The following PRIM2 variants were observed in gnomAD, a reference collection of about 807,000 sequenced individuals.
The protein encoded by PRIM2 is DNA primase subunit 2.
Under a neutral mutation model 67.3 loss-of-function variants are expected in PRIM2, and 39 were observed. That is an observed-to-expected ratio of 0.58 (90% CI 0.45 to 0.76). The LOEUF (loss-of-function observed/expected upper bound fraction) is 0.76, where lower values mean the gene tolerates loss of function less well. Among genes scored for constraint, PRIM2 ranks in the 30% least tolerant of loss-of-function variants. The probability of loss-of-function intolerance (pLI) is 0.00; values close to 1 mark genes in which losing one functional copy is unlikely to be tolerated. For synonymous variants in PRIM2, 143 were observed against 198.7 expected (o/e 0.72, Z 2.36); for missense variants, 398 against 598.7 (o/e 0.66, Z 3.50).
chr6:57,294,733 GTACA>G, the PRIM2 span, among the ~76,000 whole-genome samples: 2 of 151,310 alleles, frequency 1.3e-5, no homozygotes, highest in African/African-American at 4.9e-5. Context: ...ATTGAAAAAA[GTACA>G]TGGAGAAAAA....
chr6:57,364,979 G>A (rs7754721), intron 5 of PRIM2, among the ~76,000 whole-genome samples: 4 of 151,940 alleles, frequency 2.6e-5, no homozygotes, highest in African/African-American at 4.8e-5. Flanking sequence ...CTAATAGCAC[G>A]GAGCCCATCT....
At chr6:57,312,991 T>A (rs943533770), upstream of PRIM2, among the ~76,000 whole-genome samples, 3 of 152,228 alleles carry the variant, frequency 2.0e-5, no homozygotes, top group Non-Finnish European at 4.4e-5. Context: ...TATACTAAGT[T>A]TCCTCATAGG....
At chr6:57,461,024 C>A (rs1772986645) in intron 7 of PRIM2, among the ~76,000 whole-genome samples, 1 of 152,012 alleles carries the variant, frequency 6.6e-6, no homozygotes, top group African/African-American at 2.4e-5. Context: ...AGATAAAAGT[C>A]TATATTTAAG....
the PRIM2 span, among the ~76,000 whole-genome samples, chr6:57,225,755 T>G: frequency 6.6e-6 from 1 of 152,164 alleles, no homozygotes; most frequent in Non-Finnish European, 1.5e-5. Context: ...AGAAAATATT[T>G]TCTTCCAAGA....
intron 10 of PRIM2, among the ~76,000 whole-genome samples, chr6:57,580,643 C>T (rs1429016532): frequency 0.01 from 1,570 of 152,224 alleles, 36 homozygotes; most frequent in South Asian, 0.077. Context: ...TTTCTTTCCT[C>T]CAGGGCATCT....
At position 57,619,640 on chromosome 6, in the gene PRIM2, A is replaced by G. The variant is rs1776816194; in HGVS notation, c.1231-12493A>G. 2.6e-5 allele frequency among the ~76,000 whole-genome samples: 4 copies of G among 152,274 alleles called. No homozygotes were observed. The South Asian group carries it at 8.3e-4, about 32-fold the overall frequency. ...CAAAATGCTCTGGAAAGTCTCAGCA[A>G]TAGAATTGAACAAGTAGAAGAAAGA... On this transcript the variant is annotated intron_variant, in intron 12 of 13. Transcript: ENST00000615550.
chr6:57,234,519 T>C, the PRIM2 span, among the ~76,000 whole-genome samples: 1 of 152,278 alleles, frequency 6.6e-6, no homozygotes, highest in African/African-American at 2.4e-5. Context: ...GTTTTATTTT[T>C]ATTTTATTTT....
the PRIM2 span, among the ~76,000 whole-genome samples, chr6:57,244,070 C>A: frequency 6.6e-6 from 1 of 152,152 alleles, no homozygotes; most frequent in African/African-American, 2.4e-5. Context: ...CACTGGATCT[C>A]CCTTTCTGCA....
At chr6:57,642,455 T>A (rs1777258277) in intron 13 of PRIM2, among the ~76,000 whole-genome samples, 1 of 126,762 alleles carries the variant, frequency 7.9e-6, no homozygotes, top group Non-Finnish European at 1.7e-5. Flanking sequence ...TTTTTTTTTT[T>A]TTTTTGAGAC....
intron 5 of PRIM2, among the ~76,000 whole-genome samples, chr6:57,350,729 T>C (rs1281803070): frequency 6.6e-6 from 1 of 152,166 alleles, no homozygotes; most frequent in Non-Finnish European, 1.5e-5. Context: ...CTTTCTTCCC[T>C]TTCCAGCTTG....
At chr6:57,463,291 A>G in intron 7 of PRIM2, among the ~76,000 whole-genome samples, 1 of 152,182 alleles carries the variant, frequency 6.6e-6, no homozygotes, top group Middle Eastern at 3.2e-3. Context: ...GAGGAGTTTG[A>G]TACCAGTTTG....
intron 7 of PRIM2, among the ~76,000 whole-genome samples, chr6:57,388,174 A>G (rs1051390846): frequency 6.6e-6 from 1 of 152,188 alleles, no homozygotes; most frequent in African/African-American, 2.4e-5. Flanking sequence ...TTTTTAGCCT[A>G]ATGTAGTTGA....
chr6:57,269,278 C>G, the PRIM2 span, among the ~76,000 whole-genome samples: 1 of 152,018 alleles, frequency 6.6e-6, no homozygotes, highest in Non-Finnish European at 1.5e-5. Context: ...TATTTCTCCA[C>G]ATCCTCTCCA....
chr6:57,475,346 A>T (rs1773452062), intron 7 of PRIM2, among the ~76,000 whole-genome samples: 1 of 152,162 alleles, frequency 6.6e-6, no homozygotes, highest in South Asian at 2.1e-4. Flanking sequence ...CCCTGTAACT[A>T]TTAGCTTTCA....
At chr6:57,554,885 C>A (rs1195848721) in intron 10 of PRIM2, among the ~76,000 whole-genome samples, 1 of 152,160 alleles carries the variant, frequency 6.6e-6, no homozygotes. Context: ...GGAACCCTTC[C>A]AGCCAGATCA....
chr6:57,251,439 G>A, the PRIM2 span, among the ~76,000 whole-genome samples: 1 of 152,154 alleles, frequency 6.6e-6, no homozygotes, highest in African/African-American at 2.4e-5. Flanking sequence ...CAGTCATTTG[G>A]TGGCTCATGT....
chr6:57,642,118 A>G (rs1287780546), intron 13 of PRIM2, among the ~76,000 whole-genome samples: 1 of 152,182 alleles, frequency 6.6e-6, no homozygotes, highest in African/African-American at 2.4e-5. Flanking sequence ...ATTCTCAGCA[A>G]ACTAACACAA....
chr6:57,249,986 A>G, the PRIM2 span, among the ~76,000 whole-genome samples: 4 of 152,204 alleles, frequency 2.6e-5, no homozygotes, highest in Non-Finnish European at 4.4e-5. Context: ...GAGGACCAGT[A>G]TCTAAATGTG....
At chr6:57,482,093 T>C (rs1239049369) in intron 7 of PRIM2, among the ~76,000 whole-genome samples, 3 of 151,764 alleles carry the variant, frequency 2.0e-5, no homozygotes, top group Non-Finnish European at 2.9e-5. Flanking sequence ...AAAAGTAAGA[T>C]GAAAATTTGG....
Sources: gnomAD v4.1 joint callset for allele counts (sites outside exome capture counted in the v4.1 genomes callset) on GRCh38, gnomAD v4.1.1 for gene constraint, MANE v1.5 for transcripts, NCBI Gene and HGNC (gene_info 2026-07-23, HGNC 2026-07-21) for gene names.